The following FGD4 variants were observed in gnomAD, a reference collection of about 807,000 sequenced individuals.
The protein encoded by FGD4 is FYVE, RhoGEF and PH domain-containing protein 4.
Under a neutral mutation model 102.0 loss-of-function variants are expected in FGD4, and 42 were observed. The observed-to-expected ratio is 0.41, with a 90% CI of 0.32 to 0.53. The LOEUF is 0.53. Among genes scored for constraint, FGD4 ranks in the 20% least tolerant of loss-of-function variants. FGD4 has a pLI of 0.21. For missense variants in FGD4, 902 were observed against 1,078.2 expected (o/e 0.84, Z 2.29); for synonymous variants, 380 against 375.7 (o/e 1.01, Z -0.13).
At chr12:32,514,395 C>T (rs962038378) in intron 1 of FGD4, among the ~76,000 whole-genome samples, 1 of 152,154 alleles carries the variant, frequency 6.6e-6, no homozygotes, top group African/African-American at 2.4e-5. Context: ...CCCTCAGCCA[C>T]GTTAGTCTTC....
intron 1 of FGD4, among the ~76,000 whole-genome samples, chr12:32,525,827 G>A (rs1335560948): frequency 6.6e-6 from 1 of 152,254 alleles, no homozygotes; most frequent in Non-Finnish European, 1.5e-5. Flanking sequence ...GCCAGTGGCT[G>A]CAGAGGGTGT....
At chr12:32,503,111 A>G (rs1673354304) in intron 1 of FGD4, among the ~76,000 whole-genome samples, 1 of 152,236 alleles carries the variant, frequency 6.6e-6, no homozygotes, top group African/African-American at 2.4e-5. Context: ...TTTGTAAGGC[A>G]GCATTGTATC....
At chr12:32,444,098 C>T (rs1591913402) in intron 1 of FGD4, among the ~76,000 whole-genome samples, 3 of 148,556 alleles carry the variant, frequency 2.0e-5, no homozygotes, top group Admixed American at 6.8e-5. Flanking sequence ...CATCATGGCT[C>T]ACTGCAGTCT....
chr12:32,572,277 A>G (rs1393816072), intron 2 of FGD4, among the ~76,000 whole-genome samples: 2 of 152,208 alleles, frequency 1.3e-5, no homozygotes, highest in Non-Finnish European at 2.9e-5. Context: ...TTATTCAGCT[A>G]AGTAAATGTT....
At chr12:32,485,650 T>C (rs756950274) in intron 1 of FGD4, among the ~76,000 whole-genome samples, 1 of 151,976 alleles carries the variant, frequency 6.6e-6, no homozygotes, top group Non-Finnish European at 1.5e-5. Context: ...TTCACCATGT[T>C]AGCCAGGATG....
rs1344073402 is a variant in FGD4, at chr12:32,638,957, A to T, written c.2454+162A>T. ...AAGTTCAAGTTTGTTGTTTAAGCTG[A>T]TTGATTCATTTTATAGCCTATATTT... On this transcript the variant is annotated intron_variant, in intron 16 of 16. Transcript: ENST00000534526. The T allele has an allele frequency of 2.7e-6, 4 of 1,476,044 alleles. No individual in the cohort carries two copies. In the South Asian group the frequency reaches 5.7e-5, roughly 21 times the overall value. The allele number at this position is 1,476,044 out of a possible 1,614,324, so 91.4% of individuals were successfully genotyped here.
chr12:32,564,719 G>T (rs1324155370), intron 2 of FGD4, among the ~76,000 whole-genome samples: 3 of 152,168 alleles, frequency 2.0e-5, no homozygotes, highest in African/African-American at 4.8e-5. Context: ...TATTAAGGAG[G>T]TAGGGCATGA....
intron 1 of FGD4, among the ~76,000 whole-genome samples, chr12:32,548,217 T>C (rs1388755063): frequency 6.6e-6 from 1 of 152,184 alleles, no homozygotes; most frequent in Non-Finnish European, 1.5e-5. Flanking sequence ...TAGTACCCTG[T>C]TGCGGCATCC....
Position 32,539,712 on chromosome 12 carries a change from T to TAA in FGD4, c.167-24416_167-24415dup, listed in dbSNP as rs34533231. Among the ~76,000 whole-genome samples the TAA allele has an allele frequency of 6.2e-3, 925 of 150,024 alleles. 12 individuals are homozygous for TAA. The highest frequency in any genetic ancestry group is 0.022 in the African/African-American group (892 of 41,014). On this transcript the variant is annotated intron_variant, in intron 1 of 16. Coordinates refer to ENST00000534526, the MANE Select transcript of FGD4 (RefSeq NM_001370298.3). ...AAAATCTGTAGCCAACAGTTAATGT[T>TAA]AAAAAAAAAAGTTCCCTTCCCCAAA... is the stretch of plus-strand genomic sequence containing the variant.
chr12:32,631,560 A>G (rs1041312786), intron 14 of FGD4, among the ~76,000 whole-genome samples: 10 of 141,224 alleles, frequency 7.1e-5, no homozygotes, highest in Non-Finnish European at 1.3e-4. Flanking sequence ...GCTGGAGTGC[A>G]CTGGCGCGAT....
chr12:32,480,474 C>A (rs1329213403), intron 1 of FGD4, among the ~76,000 whole-genome samples: 2 of 146,136 alleles, frequency 1.4e-5, no homozygotes, highest in South Asian at 4.4e-4. Flanking sequence ...TTTGTTTTTT[C>A]TTCTCTTTTT....
chr12:32,538,761 A>T (rs1942531714), intron 1 of FGD4, among the ~76,000 whole-genome samples: 1 of 152,180 alleles, frequency 6.6e-6, no homozygotes, highest in South Asian at 2.1e-4. Flanking sequence ...TTGCTATTAA[A>T]GATGTACTTA....
chr12:32,445,868 T>A (rs377294752), intron 1 of FGD4, among the ~76,000 whole-genome samples: 1 of 152,206 alleles, frequency 6.6e-6, no homozygotes, highest in South Asian at 2.1e-4. Context: ...TGTAGCTAAT[T>A]TAAAAATGTT....
chr12:32,554,110 CAG>C (rs1454739568), intron 1 of FGD4, among the ~76,000 whole-genome samples: 5 of 152,074 alleles, frequency 3.3e-5, no homozygotes, highest in Non-Finnish European at 5.9e-5. Context: ...AAAATAATAA[CAG>C]AAACATTCAG....
intron 1 of FGD4, among the ~76,000 whole-genome samples, chr12:32,548,471 T>G (rs1943407243): frequency 6.6e-6 from 1 of 152,222 alleles, no homozygotes; most frequent in Non-Finnish European, 1.5e-5. Flanking sequence ...ATTACTATTC[T>G]CTGTATTGGT....
intron 2 of FGD4, 109 bp downstream of exon 2, chr12:32,564,398 T>G: frequency 3.0e-4 from 308 of 1,018,502 alleles, no homozygotes; most frequent in Non-Finnish European, 3.6e-4. Flanking sequence ...AAGGAAGGAA[T>G]TGGGTACATT....
intron 1 of FGD4, among the ~76,000 whole-genome samples, chr12:32,538,779 C>T (rs1239500332): frequency 5.9e-5 from 9 of 152,080 alleles, no homozygotes; most frequent in East Asian, 1.9e-4. Context: ...TTAGGCCAGG[C>T]GCAGTGGCTC....
intron 10 of FGD4, among the ~76,000 whole-genome samples, chr12:32,615,219 A>G (rs978080694): frequency 2.0e-5 from 3 of 152,204 alleles, no homozygotes; most frequent in Non-Finnish European, 2.9e-5. Flanking sequence ...GCCAGTTACA[A>G]CAGACCATAT....
rs1045674837 is a variant in FGD4 at position 32,641,439 on chromosome 12, A to G, written c.*906A>G. The G allele has an allele frequency of 2.6e-5, 4 of 152,180 alleles. No individual in the cohort carries two copies. The highest frequency in any genetic ancestry group is 9.6e-5 in the African/African-American group (4 of 41,454). 9.4% of individuals were successfully genotyped at this position (152,180 alleles called of 1,614,324 possible). A position where few individuals can be genotyped will look rare whatever the true frequency, so the allele number is the denominator to read the frequency against. On this transcript the variant is annotated 3_prime_UTR_variant, in exon 17 of 17. Transcript: ENST00000534526. ...GTGCCTCTCTTAGAAGGTGCTATTAATATAAGATGAGGGTTCAGTTAATGC... is the reference window on the plus strand; with the variant it reads ...GTGCCTCTCTTAGAAGGTGCTATTAGTATAAGATGAGGGTTCAGTTAATGC...
Sources: gnomAD v4.1 joint callset for allele counts (sites outside exome capture counted in the v4.1 genomes callset) on GRCh38, gnomAD v4.1.1 for gene constraint, MANE v1.5 for transcripts, NCBI Gene and HGNC (gene_info 2026-07-23, HGNC 2026-07-21) for gene names.